The following TEX11 variants were observed in gnomAD, a reference collection of about 807,000 sequenced individuals.
TEX11 encodes testis expressed 11.
Under a neutral mutation model 84.4 loss-of-function variants are expected in TEX11, and 7 were observed. The observed-to-expected ratio is 0.08, with a 90% CI of 0.05 to 0.16. The LOEUF is 0.16. Ranked by LOEUF, TEX11 falls within the 10% of genes least tolerant of loss-of-function variation. TEX11 has a pLI of 1.00. For missense variants in TEX11, 551 were observed against 660.5 expected (o/e 0.83, Z 1.82); for synonymous variants, 264 against 222.8 (o/e 1.18, Z -1.64).
At chrX:70,775,015 G>A (rs1245922315) in intron 9 of TEX11, among the ~76,000 whole-genome samples, 1 of 111,545 alleles carries the variant, frequency 9.0e-6, no homozygotes, top group Non-Finnish European at 1.9e-5. Context: ...ATAGACCAAT[G>A]GAACAAAACA....
intron 13 of TEX11, among the ~76,000 whole-genome samples, chrX:70,711,123 C>A (rs1309689589): frequency 1.1e-4 from 12 of 111,167 alleles, no homozygotes; most frequent in African/African-American, 3.6e-4. Flanking sequence ...TGAACTCATC[C>A]TTTTTTATGC....
chrX:70,820,707 G>A (rs952061291), intron 8 of TEX11, among the ~76,000 whole-genome samples: 3 of 111,019 alleles, frequency 2.7e-5, no homozygotes, highest in Non-Finnish European at 3.8e-5. Flanking sequence ...ACAAGATCTC[G>A]TGTGAACTCT....
intron 2 of TEX11, among the ~76,000 whole-genome samples, chrX:70,897,932 T>C (rs978879125): frequency 1.8e-5 from 2 of 111,570 alleles, no homozygotes; most frequent in African/African-American, 3.2e-5. Flanking sequence ...AAATAAAGCA[T>C]GGAGAAGTTA....
intron 3 of TEX11, among the ~76,000 whole-genome samples, chrX:70,877,091 C>T (rs1406131194): frequency 1.8e-5 from 2 of 110,587 alleles, no homozygotes; most frequent in Non-Finnish European, 3.8e-5. Context: ...GCCAGGAGTT[C>T]GAAACCAGCC....
At chrX:70,829,598 A>T (rs2091366108) in intron 8 of TEX11, among the ~76,000 whole-genome samples, 1 of 111,276 alleles carries the variant, frequency 9.0e-6, no homozygotes, top group African/African-American at 3.3e-5. Flanking sequence ...TGATGAACCA[A>T]ACAGAAATAA....
chrX:70,751,243 A>T (rs2090821985), intron 9 of TEX11, among the ~76,000 whole-genome samples: 1 of 107,297 alleles, frequency 9.3e-6, no homozygotes, highest in Non-Finnish European at 1.9e-5. Context: ...CAAATGTCCA[A>T]CAATGATAGA....
chrX:70,660,603 A>G (rs998315436), intron 16 of TEX11, among the ~76,000 whole-genome samples: 73 of 112,420 alleles, frequency 6.5e-4, no homozygotes, highest in Non-Finnish European at 9.0e-4. Context: ...GTCCCACTGG[A>G]AAGTCCTCAG....
At chrX:70,533,087 G>A (rs2087909995) in intron 28 of TEX11, among the ~76,000 whole-genome samples, 1 of 111,876 alleles carries the variant, frequency 8.9e-6, no homozygotes, top group Non-Finnish European at 1.9e-5. Context: ...AAGGAGTTGT[G>A]TGATCTAAGA....
chrX:70,621,135 G>C (rs978682565), intron 20 of TEX11, among the ~76,000 whole-genome samples: 1 of 110,557 alleles, frequency 9.0e-6, no homozygotes, highest in African/African-American at 3.3e-5. Flanking sequence ...GCGGGGAATG[G>C]AGGAGGCTAT....
chrX:70,635,768 G>A (rs1220577285), intron 17 of TEX11, among the ~76,000 whole-genome samples: 1 of 110,583 alleles, frequency 9.0e-6, no homozygotes, highest in African/African-American at 3.3e-5. Context: ...TCAGTGCCAG[G>A]CCAGCCCCTG....
intron 3 of TEX11, among the ~76,000 whole-genome samples, chrX:70,876,230 T>C (rs911241713): frequency 4.5e-5 from 5 of 112,214 alleles, no homozygotes; most frequent in African/African-American, 1.3e-4. Flanking sequence ...TAATTATAGC[T>C]AAATAACATT....
At chrX:70,676,890 T>C (rs2090076521) in intron 15 of TEX11, among the ~76,000 whole-genome samples, 1 of 112,187 alleles carries the variant, frequency 8.9e-6, no homozygotes, top group African/African-American at 3.2e-5. Flanking sequence ...CTTCTCATCC[T>C]AAACAGAGTT....
At chrX:70,665,191 A>T (rs2089966930) in intron 16 of TEX11, among the ~76,000 whole-genome samples, 1 of 111,101 alleles carries the variant, frequency 9.0e-6, no homozygotes, top group Admixed American at 9.6e-5. Flanking sequence ...TGAGGATGGG[A>T]CTTCTGTACT....
At chrX:70,622,653 C>G (rs767977012) in intron 20 of TEX11, among the ~76,000 whole-genome samples, 1 of 111,560 alleles carries the variant, frequency 9.0e-6, no homozygotes, top group East Asian at 2.8e-4. Flanking sequence ...TGGTTTAGTC[C>G]TTTTTTAAAA....
At chrX:70,844,907 C>T (rs968221413) in intron 7 of TEX11, among the ~76,000 whole-genome samples, 4 of 110,107 alleles carry the variant, frequency 3.6e-5, no homozygotes, top group African/African-American at 1.3e-4. Flanking sequence ...TGCACTCCAA[C>T]CTGTGTGGCA....
intron 25 of TEX11, among the ~76,000 whole-genome samples, chrX:70,568,630 G>T (rs906635980): frequency 8.1e-5 from 9 of 110,843 alleles, no homozygotes; most frequent in Non-Finnish European, 1.7e-4. Context: ...GCATTTGCTT[G>T]TCTGTAAAGT....
intron 5 of TEX11, among the ~76,000 whole-genome samples, chrX:70,859,700 G>C (rs1017862296): frequency 9.0e-6 from 1 of 110,531 alleles, no homozygotes; most frequent in African/African-American, 3.3e-5. Context: ...TATTTTGGGG[G>C]GTGGAAATAA....
At chrX:70,654,065 G>T (rs1379363937) in intron 16 of TEX11, among the ~76,000 whole-genome samples, 1 of 111,376 alleles carries the variant, frequency 9.0e-6, no homozygotes, top group Non-Finnish European at 1.9e-5. Flanking sequence ...GAACCACAGG[G>T]GGTTGAACTA....
At chrX:70,787,214 G>A (rs1403065479) in intron 9 of TEX11, among the ~76,000 whole-genome samples, 1 of 111,987 alleles carries the variant, frequency 8.9e-6, no homozygotes, top group Non-Finnish European at 1.9e-5. Context: ...TAAAAAGAAC[G>A]TATCTTAACA....
Sources: gnomAD v4.1 joint callset for allele counts (sites outside exome capture counted in the v4.1 genomes callset) on GRCh38, gnomAD v4.1.1 for gene constraint, MANE v1.5 for transcripts, NCBI Gene and HGNC (gene_info 2026-07-23, HGNC 2026-07-21) for gene names.